TDRD7: variants seen among roughly 807,000 people sequenced by gnomAD.
TDRD7 encodes the protein tudor domain-containing protein 7.
TDRD7 carries 47 observed loss-of-function variants against 109.8 expected under a neutral mutation model. The observed-to-expected ratio is 0.43, with a 90% CI of 0.34 to 0.55. TDRD7 has a LOEUF of 0.55. Among genes scored for constraint, TDRD7 ranks in the 20% least tolerant of loss-of-function variants. The pLI, the probability that TDRD7 is intolerant of heterozygous loss-of-function variation, is 0.03. For synonymous variants in TDRD7, 424 were observed against 457.3 expected (o/e 0.93, Z 0.93); for missense variants, 1,164 against 1,319.2 (o/e 0.88, Z 1.82).
At chr9:97,478,778 G>C in intron 13 of TDRD7, 1 of 674,350 alleles carries the variant, frequency 1.5e-6, no homozygotes, top group Non-Finnish European at 2.5e-6. Context: ...TGTTGTTTGA[G>C]AAATGTTTGT....
At chr9:97,473,688 C>T in intron 11 of TDRD7, 62 bp downstream of exon 11, 1 of 1,606,708 alleles carries the variant, frequency 6.2e-7, no homozygotes. Flanking sequence ...GAGTAATTTA[C>T]TAAATTGCAT....
chr9:97,456,956 G>C (rs1828624210), intron 6 of TDRD7, among the ~76,000 whole-genome samples: 1 of 151,892 alleles, frequency 6.6e-6, no homozygotes, highest in South Asian at 2.1e-4. Context: ...AATTTACAAG[G>C]AACTTAAACA....
intron 5 of TDRD7, 105 bp from the exon 6 acceptor site, chr9:97,441,553 A>G: frequency 9.6e-7 from 1 of 1,038,818 alleles, no homozygotes; most frequent in Non-Finnish European, 1.4e-6. Flanking sequence ...TTTGGCTACC[A>G]CAAGCCCACA....
At position 97,495,752 on chromosome 9, in the gene TDRD7, G is replaced by A. The variant is rs1208728260; in HGVS notation, c.3166G>A (p.Val1056Ile). 2.5e-6 allele frequency: 4 copies of A among 1,614,178 alleles called. No homozygotes were observed. Among genetic ancestry groups the A allele is most frequent in the Admixed American group, 1.7e-5 (1 of 60,020 alleles). Residue 1056 changes from valine to isoleucine, a missense_variant, in exon 17 of 17, where the codon GTC becomes ATC. Physicochemically the swap from Val to Ile is conservative, Grantham distance 29 (BLOSUM62 3). Coordinates refer to ENST00000355295, the MANE Select transcript of TDRD7 (RefSeq NM_014290.3). ...KKPLVALVQT[V>I]IENANPWDRK... ...ACCTCTGGTGGCACTGGTGCAGACA[G>A]TCATTGAAAATGCTAACCCTTGGGA...
intron 3 of TDRD7, 70 bp from the exon 4 acceptor site, chr9:97,431,953 CAG>C (rs1828110739): frequency 7.4e-7 from 1 of 1,347,420 alleles, no homozygotes; most frequent in Non-Finnish European, 1.1e-6. Context: ...AACATCTGGT[CAG>C]GGGAGTGTCA....
chr9:97,459,139 T>C (rs1388177987), intron 6 of TDRD7, among the ~76,000 whole-genome samples: 2 of 152,208 alleles, frequency 1.3e-5, no homozygotes, highest in Non-Finnish European at 2.9e-5. Context: ...AAACTGCTTT[T>C]GTAAAGGTCC....
At chr9:97,441,974 A>G in intron 6 of TDRD7, 99 bp downstream of exon 6, 1 of 976,520 alleles carries the variant, frequency 1.0e-6, no homozygotes, top group Non-Finnish European at 1.7e-6. Context: ...CAGAAGACAA[A>G]GCACTTTACA....
At chr9:97,473,387 A>G in intron 10 of TDRD7, 105 bp from the exon 11 acceptor site, 1 of 1,491,860 alleles carries the variant, frequency 6.7e-7, no homozygotes. Context: ...TAAAGATTTT[A>G]AAATGCAAAG....
chr9:97,478,945 A>T (rs893104977), intron 13 of TDRD7, among the ~76,000 whole-genome samples: 1 of 151,834 alleles, frequency 6.6e-6, no homozygotes, highest in Admixed American at 6.6e-5. Context: ...TTTCTTTGGA[A>T]ATCTGTTTAG....
chr9:97,424,282 C>G (rs1198232784), intron 1 of TDRD7, among the ~76,000 whole-genome samples: 1 of 151,826 alleles, frequency 6.6e-6, no homozygotes, highest in Non-Finnish European at 1.5e-5. Context: ...TCTTGAACTC[C>G]CAACCTCAGA....
intron 6 of TDRD7, among the ~76,000 whole-genome samples, chr9:97,451,493 G>A (rs1468250137): frequency 3.3e-5 from 5 of 152,062 alleles, no homozygotes; most frequent in African/African-American, 1.2e-4. Context: ...TCACTATGTT[G>A]CCCCGGCTGG....
chr9:97,435,467 TAAAA>T (rs11314747), intron 4 of TDRD7, among the ~76,000 whole-genome samples: 1 of 131,122 alleles, frequency 7.6e-6, no homozygotes, highest in Admixed American at 7.6e-5. Flanking sequence ...TCATCTCTAC[TAAAA>T]AAAAAAAAAA....
chr9:97,456,180 C>T (rs1023562480), intron 6 of TDRD7, among the ~76,000 whole-genome samples: 2 of 152,100 alleles, frequency 1.3e-5, no homozygotes, highest in Non-Finnish European at 2.9e-5. Context: ...AGAGAGGACA[C>T]AAACAAATGG....
At chr9:97,436,121 A>G (rs1396695169) in intron 4 of TDRD7, among the ~76,000 whole-genome samples, 1 of 152,192 alleles carries the variant, frequency 6.6e-6, no homozygotes, top group Non-Finnish European at 1.5e-5. Flanking sequence ...TTCCTGTAGA[A>G]TAAATTAGTA....
In TDRD7 at chr9:97,478,445, A is replaced by G. The variant is rs1465544010; in HGVS notation, c.2173A>G (p.Asn725Asp). 2 of 1,614,004 alleles carry G rather than the reference A, an allele frequency of 1.2e-6. No individual in the cohort carries two copies. The highest frequency in any genetic ancestry group is 2.2e-5 in the East Asian group (1 of 44,874). ...AACACTTATCTCATTTCAGATCACA[A>G]ATGTTCACAGCAGCCGGGCTCTTGA... Reference protein sequence around the residue: ...KGKWLRVEITNVHSSRALDVQ... With the variant: ...KGKWLRVEITDVHSSRALDVQ... The change falls in exon 13 of 17, where the codon AAT (asparagine) becomes GAT (aspartate). Residue 725 changes from asparagine to aspartate, a missense_variant. By Grantham distance (23) the Asn-to-Asp change is conservative. Coordinates refer to ENST00000355295, the MANE Select transcript of TDRD7 (RefSeq NM_014290.3).
chr9:97,426,598 A>G (rs527497553), intron 1 of TDRD7, among the ~76,000 whole-genome samples: 108 of 152,328 alleles, frequency 7.1e-4, no homozygotes, highest in African/African-American at 2.5e-3. Context: ...AGACAAAAAC[A>G]CACACATTAG....
chr9:97,473,696 CA>C, intron 11 of TDRD7, 70 bp downstream of exon 11: 1 of 1,601,978 alleles, frequency 6.2e-7, no homozygotes, highest in Non-Finnish European at 8.5e-7. Flanking sequence ...TACTAAATTG[CA>C]TAAGTATGAA....
intron 1 of TDRD7, among the ~76,000 whole-genome samples, chr9:97,423,689 C>T (rs1827935772): frequency 6.6e-6 from 1 of 152,058 alleles, no homozygotes. Flanking sequence ...TTACCGCATC[C>T]AGCAAAATTT....
At chr9:97,447,563 G>GA (rs754642907) in intron 6 of TDRD7, among the ~76,000 whole-genome samples, 4 of 152,124 alleles carry the variant, frequency 2.6e-5, no homozygotes, top group Admixed American at 6.5e-5. Flanking sequence ...GCTAAAGAGG[G>GA]AAAAACAAAA....
Sources: gnomAD v4.1 joint callset for allele counts (sites outside exome capture counted in the v4.1 genomes callset) on GRCh38, gnomAD v4.1.1 for gene constraint, MANE v1.5 for transcripts, NCBI Gene and HGNC (gene_info 2026-07-23, HGNC 2026-07-21) for gene names.